RFX3: variants seen among roughly 807,000 people sequenced by gnomAD.
RFX3 encodes the protein regulatory factor X3, also known as transcription factor RFX3.
RFX3 carries 14 observed loss-of-function variants against 98.6 expected under a neutral mutation model. That is an observed-to-expected ratio of 0.14 (90% CI 0.09 to 0.22). The LOEUF is 0.22. Ranked by LOEUF, RFX3 falls within the 10% of genes least tolerant of loss-of-function variation. The pLI is 1.00. For missense variants in RFX3, 639 were observed against 926.9 expected (o/e 0.69, Z 4.03); for synonymous variants, 383 against 328.4 (o/e 1.17, Z -1.80).
intron 1 of RFX3, among the ~76,000 whole-genome samples, chr9:3,493,156 C>T (rs1587851991): frequency 6.6e-6 from 1 of 152,186 alleles, no homozygotes; most frequent in South Asian, 2.1e-4. Flanking sequence ...ACCCCACTGG[C>T]TAGTTGTTAT....
chr9:3,409,355 T>C (rs969214368), intron 1 of RFX3, among the ~76,000 whole-genome samples: 1 of 152,216 alleles, frequency 6.6e-6, no homozygotes, highest in Admixed American at 6.5e-5. Flanking sequence ...TTTAAGTAAC[T>C]AAAAAGCATT....
intron 1 of RFX3, among the ~76,000 whole-genome samples, chr9:3,478,684 C>A (rs1047383476): frequency 2.6e-5 from 4 of 152,170 alleles, no homozygotes; most frequent in African/African-American, 9.7e-5. Flanking sequence ...TTTCCCAGGT[C>A]ATTTCCGGGC....
chr9:3,301,207 T>C (rs536950921), intron 5 of RFX3, among the ~76,000 whole-genome samples: 5 of 146,130 alleles, frequency 3.4e-5, no homozygotes, highest in Admixed American at 1.4e-4. Flanking sequence ...AGATTACAAG[T>C]ATTTGCTTCA....
intron 1 of RFX3, among the ~76,000 whole-genome samples, chr9:3,434,263 A>G (rs1410347656): frequency 1.3e-5 from 2 of 152,102 alleles, no homozygotes; most frequent in African/African-American, 2.4e-5. Context: ...CACTCAATAA[A>G]TATTTAAGAA....
At chr9:3,334,929 G>T (rs539419620) in intron 3 of RFX3, among the ~76,000 whole-genome samples, 1 of 152,050 alleles carries the variant, frequency 6.6e-6, no homozygotes, top group East Asian at 1.9e-4. Flanking sequence ...AGACCAGCCT[G>T]GCAAACACGG....
At chr9:3,486,128 C>CAAAAAAAA (rs772747349) in intron 1 of RFX3, among the ~76,000 whole-genome samples, 287 of 48,928 alleles carry the variant, frequency 5.9e-3, no homozygotes, top group Middle Eastern at 0.014. Context: ...TGTCTCAAAC[C>CAAAAAAAA]AAAAAAAAAA....
intron 11 of RFX3, among the ~76,000 whole-genome samples, chr9:3,267,781 C>T (rs72699023): frequency 0.1 from 15,863 of 151,634 alleles, 847 homozygotes; most frequent in Middle Eastern, 0.2. Flanking sequence ...CCATGGAGGG[C>T]AGGCATGAAT....
In RFX3 at chr9:3,415,060, TCATATATAAG is replaced by T. The variant is rs1244299373; in HGVS notation, c.-8-19474_-8-19465del. On this transcript the variant is annotated intron_variant, in intron 1 of 16. Coordinates refer to ENST00000617270, the MANE Select transcript of RFX3 (RefSeq NM_001282116.2). ...TTTATATATATACTTATATATATAC[TCATATATAAG>T]TATATATATATTCTTATATATATAC... Among the ~76,000 whole-genome samples, 686 of 105,858 alleles carry T rather than the reference TCATATATAAG, an allele frequency of 6.5e-3. 5 individuals are homozygous for T. Among genetic ancestry groups the T allele is most frequent in the East Asian group, 0.021 (88 of 4,232 alleles). 69.4% of individuals were successfully genotyped at this position (105,858 alleles called of 152,430 possible). A position where few individuals can be genotyped will look rare whatever the true frequency, so the allele number is the denominator to read the frequency against.
At chr9:3,418,673 C>G (rs1233745105) in intron 1 of RFX3, among the ~76,000 whole-genome samples, 5 of 152,124 alleles carry the variant, frequency 3.3e-5, no homozygotes, top group Admixed American at 2.0e-4. Flanking sequence ...AGCCTCTGTG[C>G]CCGGCCAAAT....
chr9:3,474,079 G>C (rs1191740550), intron 1 of RFX3, among the ~76,000 whole-genome samples: 1 of 152,148 alleles, frequency 6.6e-6, no homozygotes, highest in Non-Finnish European at 1.5e-5. Context: ...TGAGGCTGCT[G>C]GGCTGGGAAC....
Position 3,223,074 on chromosome 9 carries a change from C to G in RFX3, c.*1968G>C, listed in dbSNP as rs1167900324. 1 of 152,060 alleles carries G rather than the reference C, an allele frequency of 6.6e-6. No homozygotes were observed. The highest frequency in any genetic ancestry group is 1.5e-5 in the Non-Finnish European group (1 of 68,014). 9.4% of individuals were successfully genotyped at this position (152,060 alleles called of 1,614,324 possible). A position where few individuals can be genotyped will look rare whatever the true frequency, so the allele number is the denominator to read the frequency against. ...ACCTCGTCTTTCCAACCCCCCACCC[C>G]CCTTACCCCAATACCACTGGAAAGA... On this transcript the variant is annotated 3_prime_UTR_variant, in exon 17 of 17. Coordinates refer to ENST00000617270, the MANE Select transcript of RFX3 (RefSeq NM_001282116.2).
intron 4 of RFX3, among the ~76,000 whole-genome samples, chr9:3,310,096 A>T (rs1364600842): frequency 6.6e-6 from 1 of 152,214 alleles, no homozygotes; most frequent in East Asian, 1.9e-4. Flanking sequence ...TGCTTCTAGT[A>T]CAAGTAATCG....
At chr9:3,323,025 C>G (rs893688574) in intron 4 of RFX3, among the ~76,000 whole-genome samples, 1 of 152,134 alleles carries the variant, frequency 6.6e-6, no homozygotes, top group African/African-American at 2.4e-5. Flanking sequence ...ATTTCTAAGT[C>G]CGTAGATTAC....
At chr9:3,486,376 G>A (rs963096242) in intron 1 of RFX3, among the ~76,000 whole-genome samples, 1 of 152,004 alleles carries the variant, frequency 6.6e-6, no homozygotes, top group African/African-American at 2.4e-5. Flanking sequence ...ATCGATTTTA[G>A]CTGGGAGTTT....
chr9:3,258,978 C>T (rs1586772680), intron 13 of RFX3, among the ~76,000 whole-genome samples: 1 of 151,806 alleles, frequency 6.6e-6, no homozygotes, highest in African/African-American at 2.4e-5. Context: ...TGCTTAGTTT[C>T]ACTTAGAAAT....
intron 4 of RFX3, among the ~76,000 whole-genome samples, chr9:3,329,401 T>A (rs1346103336): frequency 1.1e-5 from 1 of 94,814 alleles, no homozygotes. Context: ...GAGTAAGACT[T>A]CATCTCAAAA....
At chr9:3,238,880 C>T (rs1172358690) in intron 15 of RFX3, among the ~76,000 whole-genome samples, 1 of 151,802 alleles carries the variant, frequency 6.6e-6, no homozygotes, top group Non-Finnish European at 1.5e-5. Context: ...ATAATCCCAG[C>T]TACTCGGGAG....
intron 1 of RFX3, among the ~76,000 whole-genome samples, chr9:3,413,765 G>C (rs1028838089): frequency 1.3e-5 from 2 of 152,004 alleles, no homozygotes; most frequent in African/African-American, 4.8e-5. Context: ...CAGTTCTCTT[G>C]ACAACTCTTA....
At chr9:3,456,372 A>C (rs1847152607) in intron 1 of RFX3, among the ~76,000 whole-genome samples, 2 of 152,210 alleles carry the variant, frequency 1.3e-5, no homozygotes, top group South Asian at 4.1e-4. Flanking sequence ...ATTTTATGTT[A>C]ATCAGTATTA....
Sources: allele counts gnomAD v4.1 joint callset (sites outside exome capture counted in the v4.1 genomes callset), GRCh38; gene constraint gnomAD v4.1.1; transcripts MANE v1.5; gene names NCBI Gene and HGNC (gene_info 2026-07-23, HGNC 2026-07-21).